Variants in DIAPH3 observed in about 807,000 individuals in gnomAD.
DIAPH3 encodes protein diaphanous homolog 3.
A neutral mutation model predicts 144.3 loss-of-function variants in DIAPH3; 117 were observed. The observed-to-expected ratio is 0.81, with a 90% CI of 0.70 to 0.95. The LOEUF (loss-of-function observed/expected upper bound fraction) is 0.95, where lower values mean the gene tolerates loss of function less well. Among genes scored for constraint, DIAPH3 ranks in the 40% least tolerant of loss-of-function variants. DIAPH3 has a pLI of 0.00. For missense variants in DIAPH3, 1,421 were observed against 1,412.7 expected (o/e 1.01, Z -0.09); for synonymous variants, 519 against 488.9 (o/e 1.06, Z -0.81).
intron 4 of DIAPH3, among the ~76,000 whole-genome samples, chr13:60,068,506 A>G (rs2057064329): frequency 6.6e-6 from 1 of 151,922 alleles, no homozygotes; most frequent in Non-Finnish European, 1.5e-5. Flanking sequence ...TTTTATTCCA[A>G]CATTTATTTT....
rs1335046372 is a variant in DIAPH3, at chr13:59,861,460, G to C, written c.2684C>G (p.Pro895Arg). The change falls in exon 22 of 28, where the codon CCT becomes CGT. Residue 895 changes from proline (P) to arginine (R), a missense_variant. Transcript: ENST00000400324. ...FLVEICEEKYPDILNFVDDLE... is the reference protein window; with the variant it reads ...FLVEICEEKYRDILNFVDDLE... ...ATCATCCACAAAATTCAGTATATCAGGGTACTTCTCTTCACATATTTCTAC... is the reference window on the plus strand; with the variant it reads ...ATCATCCACAAAATTCAGTATATCACGGTACTTCTCTTCACATATTTCTAC... 6.2e-7 allele frequency: 1 copy of C among 1,613,634 alleles called. No homozygotes were observed. Among genetic ancestry groups the C allele is most frequent in the African/African-American group, 1.3e-5 (1 of 74,874 alleles).
chr13:59,806,515 T>C (rs532472862), intron 25 of DIAPH3, among the ~76,000 whole-genome samples: 2 of 152,044 alleles, frequency 1.3e-5, no homozygotes, highest in South Asian at 4.1e-4. Flanking sequence ...ATACTAATAG[T>C]CTCCTTAGTT....
chr13:59,937,261 T>A (rs1163801175), intron 17 of DIAPH3, among the ~76,000 whole-genome samples: 1 of 152,076 alleles, frequency 6.6e-6, no homozygotes, highest in Non-Finnish European at 1.5e-5. Flanking sequence ...TCTGCTAGAA[T>A]AAATTACAAA....
intron 22 of DIAPH3, among the ~76,000 whole-genome samples, chr13:59,844,916 C>G (rs2042549877): frequency 6.6e-6 from 1 of 152,180 alleles, no homozygotes. Flanking sequence ...ACCCTTTCCT[C>G]TCTTGCAATT....
At chr13:60,119,147 A>T (rs1459877858) in intron 2 of DIAPH3, among the ~76,000 whole-genome samples, 1 of 152,192 alleles carries the variant, frequency 6.6e-6, no homozygotes, top group Non-Finnish European at 1.5e-5. Flanking sequence ...TCAAGACTAG[A>T]TCATAAAAGA....
At chr13:59,762,250 C>G (rs375886793) in intron 27 of DIAPH3, among the ~76,000 whole-genome samples, 1 of 151,712 alleles carries the variant, frequency 6.6e-6, no homozygotes, top group Non-Finnish European at 1.5e-5. Context: ...TTAGTAGAGA[C>G]GGGGTTTCAC....
chr13:59,852,434 T>C (rs993514385), intron 22 of DIAPH3, among the ~76,000 whole-genome samples: 3 of 152,204 alleles, frequency 2.0e-5, no homozygotes, highest in Non-Finnish European at 4.4e-5. Flanking sequence ...AAAAATAAAC[T>C]CAGAGTTGAA....
intron 22 of DIAPH3, among the ~76,000 whole-genome samples, chr13:59,850,837 AT>A (rs796726997): frequency 6.8e-5 from 10 of 148,096 alleles, no homozygotes; most frequent in African/African-American, 2.5e-4. Context: ...AAGAAGTTCA[AT>A]CTCTGAATAG....
intron 20 of DIAPH3, among the ~76,000 whole-genome samples, chr13:59,905,342 C>CAAAAAAAAAAAAAAAAA (rs59114311): frequency 2.2e-4 from 15 of 69,752 alleles, no homozygotes; most frequent in African/African-American, 4.5e-4. Flanking sequence ...GACTCTGTCT[C>CAAAAAAAAAAAAAAAAA]AAAAAAAAAA....
chr13:60,005,683 A>T (rs575554336), intron 9 of DIAPH3, among the ~76,000 whole-genome samples: 1 of 152,000 alleles, frequency 6.6e-6, no homozygotes, highest in African/African-American at 2.4e-5. Flanking sequence ...GGGTTTCACC[A>T]TGTTAGCCAG....
intron 25 of DIAPH3, among the ~76,000 whole-genome samples, chr13:59,784,121 C>T (rs1022363132): frequency 6.6e-6 from 1 of 152,150 alleles, no homozygotes; most frequent in Non-Finnish European, 1.5e-5. Context: ...CTTGCTCTGT[C>T]GCCCAGGCTG....
intron 20 of DIAPH3, among the ~76,000 whole-genome samples, chr13:59,885,530 T>A (rs1386410257): frequency 6.6e-6 from 1 of 151,714 alleles, no homozygotes; most frequent in Non-Finnish European, 1.5e-5. Flanking sequence ...ATTAATAGAT[T>A]TCCATGCAAG....
intron 17 of DIAPH3, among the ~76,000 whole-genome samples, chr13:59,940,465 C>G (rs2048473081): frequency 6.6e-6 from 1 of 152,162 alleles, no homozygotes; most frequent in South Asian, 2.1e-4. Flanking sequence ...AACAGAATAC[C>G]TCTGACATCC....
intron 4 of DIAPH3, among the ~76,000 whole-genome samples, chr13:60,046,079 C>T (rs556840884): frequency 1.3e-5 from 2 of 152,100 alleles, no homozygotes; most frequent in Non-Finnish European, 2.9e-5. Flanking sequence ...TATCTTCAAA[C>T]ATTGGAACCT....
intron 3 of DIAPH3, among the ~76,000 whole-genome samples, chr13:60,094,439 T>C (rs771027462): frequency 6.6e-6 from 1 of 152,168 alleles, no homozygotes; most frequent in Non-Finnish European, 1.5e-5. Flanking sequence ...CACATAAATA[T>C]ATGAATTGCT....
At chr13:60,079,569 C>T (rs1322002361) in intron 4 of DIAPH3, among the ~76,000 whole-genome samples, 1 of 151,736 alleles carries the variant, frequency 6.6e-6, no homozygotes, top group African/African-American at 2.4e-5. Flanking sequence ...TAAGTCTAAA[C>T]TTAGATTGCT....
chr13:59,855,765 G>A (rs1411567734), intron 22 of DIAPH3, among the ~76,000 whole-genome samples: 1 of 151,530 alleles, frequency 6.6e-6, no homozygotes, highest in Non-Finnish European at 1.5e-5. Context: ...ATCCACCTAT[G>A]CCTTACTTTT....
chr13:59,753,444 A>G (rs751226308), intron 27 of DIAPH3, among the ~76,000 whole-genome samples: 3 of 152,080 alleles, frequency 2.0e-5, no homozygotes, highest in Non-Finnish European at 2.9e-5. Flanking sequence ...GTTTTTTGGG[A>G]CTCAAAAGTG....
chr13:60,098,333 C>T (rs1379518865), intron 3 of DIAPH3, among the ~76,000 whole-genome samples: 1 of 152,024 alleles, frequency 6.6e-6, no homozygotes, highest in Non-Finnish European at 1.5e-5. Flanking sequence ...GTCAGGATAG[C>T]CTGGTAGCAG....
Sources: gnomAD v4.1 joint callset for allele counts (sites outside exome capture counted in the v4.1 genomes callset) on GRCh38, gnomAD v4.1.1 for gene constraint, MANE v1.5 for transcripts, NCBI Gene and HGNC (gene_info 2026-07-23, HGNC 2026-07-21) for gene names.